THAP10: variants seen among roughly 807,000 people sequenced by gnomAD.
THAP10 encodes the protein THAP domain containing 10.
Under a neutral mutation model 15.7 loss-of-function variants are expected in THAP10, and 10 were observed. That is an observed-to-expected ratio of 0.64 (90% CI 0.39 to 1.08). THAP10 has a LOEUF of 1.08. THAP10 is among the 50% of genes least tolerant of loss of function. The probability of loss-of-function intolerance (pLI) is 0.01; values close to 1 mark genes in which losing one functional copy is unlikely to be tolerated. For synonymous variants in THAP10, 127 were observed against 129.1 expected, an observed-to-expected ratio of 0.98 and a Z score of 0.11; for missense variants, 310 against 330.9, an observed-to-expected ratio of 0.94 and a Z score of 0.49.
In THAP10 at chr15:70,892,267, C is replaced by A; in HGVS notation, c.6G>T (p.Pro2=). M[P]ARCVAAHCGN... is the part of the protein sequence containing the mutation. ...CGCAGTGGGCGGCCACACAACGGGC[C>A]GGCATGGCGGCCGTCTTCGGTGCGC... Residue 2 remains proline, a synonymous_variant, in exon 1 of 3, where the codon CCG becomes CCT. Coordinates refer to ENST00000249861, the MANE Select transcript of THAP10 (RefSeq NM_020147.4). The A allele has an allele frequency of 6.4e-7, 1 of 1,565,638 alleles. No homozygotes were observed. Among genetic ancestry groups the A allele is most frequent in the Non-Finnish European group, 8.7e-7 (1 of 1,154,658 alleles).
chr15:70,888,769 A>C (rs910946619), intron 1 of THAP10, among the ~76,000 whole-genome samples: 1 of 152,192 alleles, frequency 6.6e-6, no homozygotes, highest in Non-Finnish European at 1.5e-5. Flanking sequence ...AAGAAAAGAC[A>C]GACAATCCAA....
At chr15:70,885,451 G>T (rs1170604729) in intron 1 of THAP10, among the ~76,000 whole-genome samples, 1 of 152,066 alleles carries the variant, frequency 6.6e-6, no homozygotes, top group Non-Finnish European at 1.5e-5. Context: ...AGTAAAACTG[G>T]AAAATGAAGA....
chr15:70,882,958 T>G, intron 1 of THAP10, 50 bp from the exon 2 acceptor site: 1 of 1,579,998 alleles, frequency 6.3e-7, no homozygotes, highest in South Asian at 1.1e-5. Flanking sequence ...CCTTATAGGA[T>G]TTTATCTTTC....
intron 1 of THAP10, among the ~76,000 whole-genome samples, chr15:70,886,934 T>G (rs2033425702): frequency 6.6e-6 from 1 of 151,860 alleles, no homozygotes; most frequent in Non-Finnish European, 1.5e-5. Context: ...AAGCAAAAAT[T>G]ACCTCAGCTC....
intron 1 of THAP10, among the ~76,000 whole-genome samples, chr15:70,885,969 T>C (rs534078668): frequency 4.3e-4 from 66 of 152,296 alleles, no homozygotes; most frequent in Non-Finnish European, 8.5e-4. Context: ...ATTAAGTCCA[T>C]ATATTGCATT....
At chr15:70,888,725 TC>T (rs1178453133) in intron 1 of THAP10, among the ~76,000 whole-genome samples, 1 of 152,014 alleles carries the variant, frequency 6.6e-6, no homozygotes, top group African/African-American at 2.4e-5. Flanking sequence ...AAAAAGGACT[TC>T]CAGGTAGAAT....
In THAP10 at chr15:70,882,184, T is replaced by A; in HGVS notation, c.*270A>T. 3.0e-6 allele frequency: 1 copy of A among 333,532 alleles called. No individual in the cohort carries two copies. Among genetic ancestry groups the A allele is most frequent in the East Asian group, 5.3e-5 (1 of 18,906 alleles). The allele number at this position is 333,532 out of a possible 1,614,324, so 20.7% of individuals were successfully genotyped here. Reference sequence around the variant, plus strand: ...CTTAATTTTGATTAGGAAGTGTTGCTGATATTGTGGTTTTGCTTTGTAACC... The same window carrying A: ...CTTAATTTTGATTAGGAAGTGTTGCAGATATTGTGGTTTTGCTTTGTAACC... On this transcript the variant is annotated 3_prime_UTR_variant, in exon 3 of 3. Coordinates refer to ENST00000249861, the MANE Select transcript of THAP10 (RefSeq NM_020147.4).
rs542177705 is a variant in THAP10, at chr15:70,882,641, G to A, written c.587C>T (p.Ala196Val). 28 of 1,613,692 alleles carry A rather than the reference G, an allele frequency of 1.7e-5. No homozygotes were observed. The highest frequency in any genetic ancestry group is 2.4e-5 in the Non-Finnish European group (28 of 1,179,792). The change falls in exon 3 of 3, where the codon GCC (alanine) becomes GTC (valine). Residue 196 changes from alanine (A) to valine (V), a missense_variant. Coordinates refer to ENST00000249861, the MANE Select transcript of THAP10 (RefSeq NM_020147.4). Reference sequence around the variant, plus strand: ...TCTTTTTCCAAACGCTTTCACTTTGGCTTGAATACCTGAAAGAGAATAAGC... The same window carrying A: ...TCTTTTTCCAAACGCTTTCACTTTGACTTGAATACCTGAAAGAGAATAAGC... ...RPRHRSVGIQ[A>V]KVKAFGKRLC...
At chr15:70,887,130 TA>T (rs1195923281) in intron 1 of THAP10, among the ~76,000 whole-genome samples, 1 of 152,050 alleles carries the variant, frequency 6.6e-6, no homozygotes, top group Admixed American at 6.5e-5. Flanking sequence ...GAATCCATCA[TA>T]AAAAACCTTT....
At chr15:70,883,857 T>C (rs796298865) in intron 1 of THAP10, among the ~76,000 whole-genome samples, 4 of 151,986 alleles carry the variant, frequency 2.6e-5, no homozygotes, top group African/African-American at 9.6e-5. Flanking sequence ...TGTTTCACCA[T>C]GGTAACCAGG....
rs1033802579 is a variant in THAP10 at position 70,891,991 on chromosome 15, G to A, written c.282C>T (p.Ala94=). 15 of 1,613,076 alleles carry A rather than the reference G, an allele frequency of 9.3e-6. No homozygotes were observed. The highest frequency in any genetic ancestry group is 7.6e-6 in the Non-Finnish European group (9 of 1,179,750). The change falls in exon 1 of 3, where the codon GCC becomes GCT. Residue 94 remains alanine, a synonymous_variant. Transcript: ENST00000249861. ...GAVPTLHRVP[A]PAPKRGEEGD... is the part of the protein sequence containing the mutation. ...CCTCCTCTCCCCTCTTAGGTGCCGG[G>A]GCGGGCACCCGGTGCAGGGTGGGCA...
intron 1 of THAP10, among the ~76,000 whole-genome samples, chr15:70,891,347 G>A (rs538950558): frequency 1.3e-5 from 2 of 152,218 alleles, no homozygotes; most frequent in East Asian, 1.9e-4. Flanking sequence ...GGGGTGGGAA[G>A]GGATTTATTA....
At position 70,892,000 on chromosome 15, in the gene THAP10, C is replaced by A; in HGVS notation, c.273G>T (p.Arg91=). ...CCCTCTTAGGTGCCGGGGCGGGCAC[C>A]CGGTGCAGGGTGGGCACGGCGCCTG... ...LVAGAVPTLH[R]VPAPAPKRGE... Residue 91 remains arginine, a synonymous_variant, in exon 1 of 3, where the codon CGG becomes CGT. Transcript: ENST00000249861. 1 of 1,613,052 alleles carries A rather than the reference C, an allele frequency of 6.2e-7. No individual in the cohort carries two copies. The highest frequency in any genetic ancestry group is 8.5e-7 in the Non-Finnish European group (1 of 1,179,710).
At chr15:70,886,369 G>C (rs1250531373) in intron 1 of THAP10, among the ~76,000 whole-genome samples, 1 of 152,112 alleles carries the variant, frequency 6.6e-6, no homozygotes, top group East Asian at 1.9e-4. Flanking sequence ...AAATAAGCTT[G>C]TGAAACTTAG....
chr15:70,892,141 C>G lies in THAP10; in HGVS notation c.132G>C (p.Trp44Cys). Residue 44 changes from tryptophan (W) to cysteine (C), a missense_variant, in exon 1 of 3, where the codon TGG (tryptophan) becomes TGC (cysteine). Transcript: ENST00000249861. ...TGACCGAGCGGTCATTGCCTCCGTACCAGTCGGCGCGGCAACCCCGCACGA... is the reference window on the plus strand; with the variant it reads ...TGACCGAGCGGTCATTGCCTCCGTAGCAGTCGGCGCGGCAACCCCGCACGA... ...DRFVRGCRAD[W>C]YGGNDRSVIC... The G allele has an allele frequency of 1.2e-6, 2 of 1,613,518 alleles. No homozygotes were observed. The highest frequency in any genetic ancestry group is 2.2e-5 in the East Asian group (1 of 44,842).
rs144217156 is a variant in THAP10 at position 70,882,769 on chromosome 15, C to G, written c.569G>C (p.Arg190Pro). The change falls in exon 2 of 3, where the codon CGT becomes CCT. Residue 190 changes from arginine (R) to proline (P), a missense_variant. Coordinates refer to ENST00000249861, the MANE Select transcript of THAP10 (RefSeq NM_020147.4). ...GAAGAGTCAAAACATACCCACACTA[C>G]GGTGACGGGGCCTTTTCAAAGAAAT... The part of the protein sequence containing the change: ...TQISLKRPRH[R>P]SVGIQAKVKA... The G allele has an allele frequency of 1.9e-6, 3 of 1,614,114 alleles. No individual in the cohort carries two copies. The highest frequency in any genetic ancestry group is 3.3e-5 in the Admixed American group (2 of 60,012).
At chr15:70,884,818 G>A (rs903660548) in intron 1 of THAP10, among the ~76,000 whole-genome samples, 4 of 151,996 alleles carry the variant, frequency 2.6e-5, no homozygotes, top group Admixed American at 1.3e-4. Context: ...ATTTTTTACT[G>A]CAAAAATTTG....
chr15:70,891,595 GT>G (rs1179115013), intron 1 of THAP10, among the ~76,000 whole-genome samples: 4 of 151,224 alleles, frequency 2.6e-5, no homozygotes, highest in African/African-American at 9.7e-5. Context: ...GTGTGTGTGT[GT>G]GTGTGTGTGT....
chr15:70,882,724 A>G (rs759128348), intron 2 of THAP10, 37 bp downstream of exon 2: 14 of 1,612,662 alleles, frequency 8.7e-6, no homozygotes, highest in African/African-American at 2.7e-5. Flanking sequence ...CGAAAGATCA[A>G]TTCAATTGCT....
Sources: gnomAD v4.1 joint callset for allele counts (sites outside exome capture counted in the v4.1 genomes callset) on GRCh38, gnomAD v4.1.1 for gene constraint, MANE v1.5 for transcripts, NCBI Gene and HGNC (gene_info 2026-07-23, HGNC 2026-07-21) for gene names.